RNF32: variants seen among roughly 807,000 people sequenced by gnomAD.
RNF32 encodes the protein ring finger protein 32.
RNF32 carries 36 observed loss-of-function variants against 41.0 expected under a neutral mutation model. The ratio of observed to expected loss-of-function variants is 0.88; its 90% confidence interval spans 0.67 to 1.16. RNF32 has a LOEUF of 1.16. RNF32 is among the 50% of genes most tolerant of loss of function. The pLI is 0.00. For missense variants in RNF32, 413 were observed against 436.7 expected (o/e 0.95, Z 0.48); for synonymous variants, 154 against 160.9 (o/e 0.96, Z 0.32).
At chr7:156,646,523 C>A in intron 3 of RNF32, 1 of 1,292,160 alleles carries the variant, frequency 7.7e-7, no homozygotes, top group African/African-American at 1.5e-5. Flanking sequence ...TCTGCAAAGA[C>A]CCTATTTCCA....
At chr7:156,654,777 C>T in intron 4 of RNF32, 59 bp downstream of exon 4, 1 of 1,515,404 alleles carries the variant, frequency 6.6e-7, no homozygotes, top group Middle Eastern at 1.8e-4. Context: ...GGGACGAGGC[C>T]CAGAGCTGGA....
intron 7 of RNF32, 77 bp downstream of exon 7, chr7:156,658,647 G>T (rs943170433): frequency 2.1e-6 from 2 of 969,532 alleles, no homozygotes; most frequent in Non-Finnish European, 3.2e-6. Context: ...GGCTAACAGA[G>T]GTGGTAAAAC....
intron 5 of RNF32, chr7:156,657,839 C>T (rs755867974): frequency 3.9e-5 from 23 of 596,628 alleles, no homozygotes; most frequent in Non-Finnish European, 6.2e-5. Context: ...TTCACATGAT[C>T]GATCTGCATG....
At position 156,659,520 on chromosome 7, in the gene RNF32, A is replaced by C. The variant is rs1254849319; in HGVS notation, c.684+950A>C. ...TTGTGTTCTCTGGGCTACTCTTAGT[A>C]ATTTCTAATATGTCATAGTAGGTTG... On this transcript the variant is annotated intron_variant, in intron 7 of 8. Coordinates refer to ENST00000317955, the MANE Select transcript of RNF32 (RefSeq NM_030936.4). 3 of 985,130 alleles carry C rather than the reference A, an allele frequency of 3.0e-6. No homozygotes were observed. In the East Asian group the frequency reaches 3.4e-4, roughly 112 times the overall value. 61.0% of individuals were successfully genotyped at this position (985,130 alleles called of 1,614,324 possible).
Position 156,670,009 on chromosome 7 carries a change from CCT to C in RNF32, c.685-5679_685-5678del, listed in dbSNP as rs1313524513. Among the ~76,000 whole-genome samples, 1 of 152,094 alleles carries C rather than the reference CCT, an allele frequency of 6.6e-6. No homozygotes were observed. The highest frequency in any genetic ancestry group is 1.5e-5 in the Non-Finnish European group (1 of 68,016). On this transcript the variant is annotated intron_variant, in intron 7 of 8. Transcript: ENST00000317955. This position sits in a 1 kb window ranked among gnomAD's most constrained non-coding sequence, Gnocchi z 4.3. ...TATAAAGCTGTATGTACTTCTGTGGCCTCTCTCTCCAGTGGTCATGTAGTTTT... is the reference window on the plus strand; with the variant it reads ...TATAAAGCTGTATGTACTTCTGTGGCCTCTCTCCAGTGGTCATGTAGTTTT...
intron 2 of RNF32, 75 bp downstream of exon 2, chr7:156,643,967 T>C (rs373848267): frequency 1.5e-4 from 204 of 1,365,954 alleles, no homozygotes; most frequent in Non-Finnish European, 2.0e-4. Context: ...TTTGAGAGTA[T>C]AAAAACTAGT....
chr7:156,676,002 T>C (rs1585139426), intron 8 of RNF32, 139 bp downstream of exon 8: 3 of 857,874 alleles, frequency 3.5e-6, no homozygotes, highest in East Asian at 2.7e-5. Context: ...CCGTGGAGGC[T>C]GTGGGGGTGG....
At chr7:156,659,768 G>C (rs1350493967) in intron 7 of RNF32, 6 of 666,564 alleles carry the variant, frequency 9.0e-6, no homozygotes, top group Non-Finnish European at 1.1e-5. Flanking sequence ...CCATTACAAT[G>C]TGCCTTGTGT....
At chr7:156,676,386 C>A (rs753204431) in intron 8 of RNF32, 33 bp from the exon 9 acceptor site, 2 of 1,614,006 alleles carry the variant, frequency 1.2e-6, no homozygotes, top group Non-Finnish European at 1.7e-6. Context: ...TGAAACTAAC[C>A]CGCGTGGCCT....
chr7:156,646,644 G>A, intron 3 of RNF32: 1 of 483,656 alleles, frequency 2.1e-6, no homozygotes, highest in Non-Finnish European at 3.4e-6. Context: ...TTTAGATTAG[G>A]CATCAATGAG....
upstream of RNF32, chr7:156,640,504 C>G: frequency 2.8e-6 from 1 of 355,610 alleles, no homozygotes; most frequent in Non-Finnish European, 5.4e-6. Context: ...TCCCCAAAAA[C>G]GCCCGCTGCG....
Position 156,644,712 on chromosome 7 carries a change from GA to G in RNF32, c.234del (p.Glu79AsnfsTer11). The G allele has an allele frequency of 1.2e-6, 2 of 1,611,864 alleles. No homozygotes were observed. Among genetic ancestry groups the G allele is most frequent in the Non-Finnish European group, 1.7e-6 (2 of 1,179,634 alleles). On this transcript the variant is annotated frameshift_variant, in exon 3 of 9. Transcript: ENST00000317955. LOFTEE classifies it high-confidence loss of function. The part of the protein sequence containing the change: ...TTQCPKLEDS[E>X]KEYVLDPKPP... ...ACAGTGCCCCAAACTAGAAGACTCA[GA>G]AAAAGAATATGTTCTTGATCCCAAA...
intron 7 of RNF32, among the ~76,000 whole-genome samples, chr7:156,671,763 T>C (rs1802597996): frequency 6.6e-6 from 1 of 150,978 alleles, no homozygotes; most frequent in African/African-American, 2.4e-5. Flanking sequence ...TCACCATCTT[T>C]ATGTCCACGT....
At chr7:156,653,889 G>A (rs1371718908) in intron 3 of RNF32, among the ~76,000 whole-genome samples, 1 of 152,250 alleles carries the variant, frequency 6.6e-6, no homozygotes, top group Non-Finnish European at 1.5e-5. Flanking sequence ...GGGAGAGGCA[G>A]TGCTGAAGGC....
chr7:156,648,207 T>C (rs1021896241), intron 3 of RNF32, among the ~76,000 whole-genome samples: 2 of 152,190 alleles, frequency 1.3e-5, no homozygotes, highest in African/African-American at 4.8e-5. Context: ...TGGTTGAGGA[T>C]GGCGTGTCTT....
rs533810328 is a variant in RNF32, at chr7:156,675,871, T to C, written c.852+8T>C. 7.5e-6 allele frequency: 12 copies of C among 1,609,500 alleles called. No individual in the cohort carries two copies. In the East Asian group the frequency reaches 2.7e-4, roughly 36 times the overall value. ...GAGAAAATCCAAGTGCAGGTAGGTT[T>C]GGCTGGCAGCCTGGCAACCAGCAGA... On this transcript the variant is annotated splice_region_variant and intron_variant, in intron 8 of 8. Transcript: ENST00000317955.
At position 156,643,788 on chromosome 7, in the gene RNF32, C is replaced by A; in HGVS notation, c.-77-13C>A. 8.3e-7 allele frequency: 1 copy of A among 1,203,878 alleles called. No homozygotes were observed. The highest frequency in any genetic ancestry group is 1.2e-6 in the Non-Finnish European group (1 of 813,362). 74.6% of individuals were successfully genotyped at this position (1,203,878 alleles called of 1,614,324 possible). On this transcript the variant is annotated splice_polypyrimidine_tract_variant and intron_variant, in intron 1 of 8. Coordinates refer to ENST00000317955, the MANE Select transcript of RNF32 (RefSeq NM_030936.4). ...ACTGTAACTTTGACTTTCTGTTGAC[C>A]ACGTCTTTGCAGCAGAAGAATAGAA...
At chr7:156,674,183 C>G (rs1414818977) in intron 7 of RNF32, among the ~76,000 whole-genome samples, 1 of 152,234 alleles carries the variant, frequency 6.6e-6, no homozygotes, top group African/African-American at 2.4e-5. Context: ...TAGGACAGTT[C>G]AGGTGTCCTG....
chr7:156,646,944 C>T (rs776161612), intron 3 of RNF32, among the ~76,000 whole-genome samples: 107 of 152,220 alleles, frequency 7.0e-4, no homozygotes, highest in African/African-American at 2.1e-3. Flanking sequence ...CTCTGCCTTC[C>T]GGGTTCAAGT....
Sources: gnomAD v4.1 joint callset for allele counts (sites outside exome capture counted in the v4.1 genomes callset) on GRCh38, gnomAD v4.1.1 for gene constraint, Gnocchi (gnomAD v3.1) non-coding constraint, MANE v1.5 for transcripts, NCBI Gene and HGNC (gene_info 2026-07-23, HGNC 2026-07-21) for gene names.